The following GALNT13 variants were observed in gnomAD, a reference collection of about 807,000 sequenced individuals.
GALNT13 encodes polypeptide N-acetylgalactosaminyltransferase 13, also known as UDP-GalNAc:polypeptide N-acetylgalactosaminyltransferase 13.
In GALNT13, 28 loss-of-function variants were observed where a neutral mutation model predicts 64.2. The ratio of observed to expected loss-of-function variants is 0.44; its 90% CI spans 0.32 to 0.60. The LOEUF is 0.60. Ranked by LOEUF, GALNT13 falls within the 20% of genes least tolerant of loss-of-function variation. The probability of loss-of-function intolerance (pLI) is 0.05; values close to 1 mark genes in which losing one functional copy is unlikely to be tolerated. For synonymous variants in GALNT13, 214 were observed against 224.6 expected (o/e 0.95, Z 0.42); for missense variants, 577 against 669.8 (o/e 0.86, Z 1.53).
At chr2:154,123,362 CT>C (rs1378780705) in intron 3 of GALNT13, among the ~76,000 whole-genome samples, 2 of 151,920 alleles carry the variant, frequency 1.3e-5, no homozygotes, top group Non-Finnish European at 2.9e-5. Flanking sequence ...CTTGTTGATG[CT>C]ACTATTATGG....
the GALNT13 span, among the ~76,000 whole-genome samples, chr2:153,406,457 G>T: frequency 1.3e-5 from 2 of 152,014 alleles, no homozygotes; most frequent in Non-Finnish European, 1.5e-5. Context: ...GCCCAAGCTG[G>T]AGTGCAGTGG....
chr2:153,458,203 T>A, the GALNT13 span, among the ~76,000 whole-genome samples: 9 of 152,050 alleles, frequency 5.9e-5, no homozygotes, highest in Non-Finnish European at 1.3e-4. Flanking sequence ...TCACCCTTAT[T>A]CCACTCTCAA....
At chr2:153,619,929 T>A in the GALNT13 span, among the ~76,000 whole-genome samples, 1 of 152,088 alleles carries the variant, frequency 6.6e-6, no homozygotes, top group Non-Finnish European at 1.5e-5. Flanking sequence ...CAGGTAGTTT[T>A]CTTTGGGTTA....
the GALNT13 span, among the ~76,000 whole-genome samples, chr2:153,219,003 A>T: frequency 6.6e-6 from 1 of 152,202 alleles, no homozygotes; most frequent in Non-Finnish European, 1.5e-5. Context: ...TTACAAGTAA[A>T]AACCATAAGT....
intron 2 of GALNT13, among the ~76,000 whole-genome samples, chr2:153,909,410 G>A (rs1688795174): frequency 6.6e-6 from 1 of 151,956 alleles, no homozygotes; most frequent in Admixed American, 6.6e-5. Context: ...CTTTCTTTCT[G>A]TATGTATATG....
chr2:153,974,045 A>G (rs967108220), intron 3 of GALNT13, among the ~76,000 whole-genome samples: 4 of 151,992 alleles, frequency 2.6e-5, no homozygotes, highest in African/African-American at 9.7e-5. Flanking sequence ...TTATCTTGAC[A>G]TTGTGCTTTT....
chr2:154,167,463 TA>T (rs967817260), intron 4 of GALNT13, among the ~76,000 whole-genome samples: 15 of 152,116 alleles, frequency 9.9e-5, no homozygotes, highest in South Asian at 2.1e-4. Flanking sequence ...TTTGAAAGGC[TA>T]AAAAAAAGGC....
the GALNT13 span, among the ~76,000 whole-genome samples, chr2:153,716,236 C>A: frequency 6.6e-6 from 1 of 152,202 alleles, no homozygotes; most frequent in Non-Finnish European, 1.5e-5. Context: ...ATCTCAGATC[C>A]TTGCCAGCTT....
intron 2 of GALNT13, among the ~76,000 whole-genome samples, chr2:153,915,776 T>A (rs949381301): frequency 1.3e-5 from 2 of 152,158 alleles, no homozygotes; most frequent in Admixed American, 6.5e-5. Context: ...AGCCTAGCCA[T>A]CACATTTGTG....
At chr2:154,295,424 C>G (rs981182952) in intron 8 of GALNT13, among the ~76,000 whole-genome samples, 1 of 150,764 alleles carries the variant, frequency 6.6e-6, no homozygotes, top group Non-Finnish European at 1.5e-5. Flanking sequence ...AGTGCAGTGG[C>G]GCGACCTTGG....
At chr2:153,938,256 G>A (rs1691090873) in intron 2 of GALNT13, among the ~76,000 whole-genome samples, 2 of 152,090 alleles carry the variant, frequency 1.3e-5, no homozygotes, top group South Asian at 4.1e-4. Context: ...AAACAAGCAA[G>A]CAATACATTT....
the GALNT13 span, among the ~76,000 whole-genome samples, chr2:153,816,314 C>T: frequency 6.6e-6 from 1 of 152,012 alleles, no homozygotes; most frequent in Admixed American, 6.5e-5. Context: ...GTATTCAGCT[C>T]AGAGGTGCAG....
At chr2:153,905,013 C>G (rs1279443871) in intron 2 of GALNT13, among the ~76,000 whole-genome samples, 1 of 151,884 alleles carries the variant, frequency 6.6e-6, no homozygotes, top group Non-Finnish European at 1.5e-5. Context: ...TTATTAGTCT[C>G]TTCTTACCAC....
At chr2:153,552,206 C>T in the GALNT13 span, among the ~76,000 whole-genome samples, 44 of 152,054 alleles carry the variant, frequency 2.9e-4, no homozygotes, top group South Asian at 8.7e-3. Flanking sequence ...TTAAATAGAT[C>T]GAGGAAAGAC....
the GALNT13 span, among the ~76,000 whole-genome samples, chr2:153,399,686 A>G: frequency 0.021 from 3,184 of 151,986 alleles, 53 homozygotes; most frequent in Non-Finnish European, 0.033. Context: ...CTTTGAAGCA[A>G]TTGTGAATGG....
At chr2:153,132,341 G>A in the GALNT13 span, among the ~76,000 whole-genome samples, 2 of 152,166 alleles carry the variant, frequency 1.3e-5, no homozygotes, top group Non-Finnish European at 2.9e-5. Context: ...TGTGGGGAGG[G>A]AGAAGCTTTA....
chr2:153,494,120 C>T, the GALNT13 span, among the ~76,000 whole-genome samples: 1 of 151,838 alleles, frequency 6.6e-6, no homozygotes, highest in Non-Finnish European at 1.5e-5. Flanking sequence ...TATTGAACAT[C>T]ACTGAGAAAA....
chr2:153,843,004 A>G, the GALNT13 span, among the ~76,000 whole-genome samples: 3 of 152,182 alleles, frequency 2.0e-5, no homozygotes, highest in East Asian at 1.9e-4. Flanking sequence ...ATAGTGAAAG[A>G]GAAGATTTGT....
chr2:153,820,418 T>A, the GALNT13 span, among the ~76,000 whole-genome samples: 1 of 152,118 alleles, frequency 6.6e-6, no homozygotes, highest in Non-Finnish European at 1.5e-5. Context: ...TGGTCATCAC[T>A]AATGCAAAGT....
Sources: allele counts gnomAD v4.1 joint callset (sites outside exome capture counted in the v4.1 genomes callset), GRCh38; gene constraint gnomAD v4.1.1; transcripts MANE v1.5; gene names NCBI Gene and HGNC (gene_info 2026-07-23, HGNC 2026-07-21).